The following USP14 variants were observed in gnomAD, a reference collection of about 807,000 sequenced individuals.
USP14 encodes the protein ubiquitin specific peptidase 14, also known as ubiquitin carboxyl-terminal hydrolase 14.
In USP14, 38 loss-of-function variants were observed where a neutral mutation model predicts 76.5. The observed-to-expected ratio is 0.50, with a 90% CI of 0.38 to 0.65. The LOEUF (loss-of-function observed/expected upper bound fraction) is 0.65. USP14 is among the 30% of genes least tolerant of loss of function. The pLI is 0.00. For missense variants in USP14, 467 were observed against 586.5 expected (o/e 0.80, Z 2.10); for synonymous variants, 192 against 191.7 (o/e 1.00, Z -0.01).
chr18:175,108 C>CTAGTATA (rs1484309580), intron 3 of USP14, among the ~76,000 whole-genome samples: 1 of 152,098 alleles, frequency 6.6e-6, no homozygotes, highest in African/African-American at 2.4e-5. Context: ...CAATTGCTTG[C>CTAGTATA]TAGTATATAA....
At chr18:210,620 G>A (rs1598281742) in intron 15 of USP14, 127 bp downstream of exon 15, 2 of 555,906 alleles carry the variant, frequency 3.6e-6, no homozygotes, top group Admixed American at 3.5e-5. Flanking sequence ...GCCCCAAAGA[G>A]CTTTGGTTTA....
intron 1 of USP14, among the ~76,000 whole-genome samples, chr18:159,416 G>C (rs1909053637): frequency 6.6e-6 from 1 of 152,166 alleles, no homozygotes; most frequent in Non-Finnish European, 1.5e-5. Context: ...ACAGTCCAGG[G>C]TACTGGCCAG....
chr18:181,352 T>C (rs1909784620), intron 5 of USP14, among the ~76,000 whole-genome samples: 1 of 152,240 alleles, frequency 6.6e-6, no homozygotes, highest in Non-Finnish European at 1.5e-5. Context: ...ATTGTCTGTC[T>C]TTGATTAAGC....
At chr18:187,681 A>G (rs953131300) in intron 5 of USP14, among the ~76,000 whole-genome samples, 1 of 151,960 alleles carries the variant, frequency 6.6e-6, no homozygotes, top group African/African-American at 2.4e-5. Flanking sequence ...TTTTCCCTTG[A>G]TCATTTTGTT....
intron 3 of USP14, among the ~76,000 whole-genome samples, chr18:167,594 C>T (rs1381548742): frequency 6.6e-6 from 1 of 151,240 alleles, no homozygotes; most frequent in Non-Finnish European, 1.5e-5. Flanking sequence ...CAGCTTTAAA[C>T]TCCCAGCCTC....
intron 5 of USP14, among the ~76,000 whole-genome samples, chr18:191,241 T>C (rs1318037804): frequency 6.6e-6 from 1 of 152,200 alleles, no homozygotes; most frequent in African/African-American, 2.4e-5. Flanking sequence ...CAGGCATTAT[T>C]GTGAATTATT....
chr18:210,372 A>G lies in USP14; in HGVS notation c.1226-14A>G. On this transcript the variant is annotated splice_polypyrimidine_tract_variant and intron_variant, in intron 14 of 15. Coordinates refer to ENST00000261601, the MANE Select transcript of USP14 (RefSeq NM_005151.4). ...TTCATTGTCTAATATTAATGGATTT[A>G]CATCTTTCTTTAGATATTGGCTCCA... 6.4e-7 allele frequency: 1 copy of G among 1,560,960 alleles called. No individual in the cohort carries two copies. The highest frequency in any genetic ancestry group is 1.2e-5 in the South Asian group (1 of 85,576).
At chr18:188,868 G>T (rs561165341) in intron 5 of USP14, among the ~76,000 whole-genome samples, 3 of 151,930 alleles carry the variant, frequency 2.0e-5, no homozygotes, top group African/African-American at 7.3e-5. Context: ...TAGTAGAGAC[G>T]TGGTTTCACC....
At chr18:200,044 A>G (rs1219994547) in intron 10 of USP14, among the ~76,000 whole-genome samples, 1 of 152,196 alleles carries the variant, frequency 6.6e-6, no homozygotes, top group Non-Finnish European at 1.5e-5. Flanking sequence ...GGGACATCTC[A>G]CTTTTTAATC....
chr18:169,943 C>G (rs1289841671), intron 3 of USP14, among the ~76,000 whole-genome samples: 2 of 152,060 alleles, frequency 1.3e-5, no homozygotes, highest in Admixed American at 1.3e-4. Context: ...ACCCGCAGTT[C>G]CCTCCTCCCT....
chr18:177,621 T>C (rs1435629684), intron 3 of USP14, among the ~76,000 whole-genome samples: 1 of 141,290 alleles, frequency 7.1e-6, no homozygotes, highest in Non-Finnish European at 1.6e-5. Flanking sequence ...TGGCTATCAT[T>C]TTTCCCTCCC....
At chr18:163,536 A>C in intron 2 of USP14, 83 bp downstream of exon 2, 2 of 1,472,404 alleles carry the variant, frequency 1.4e-6, no homozygotes, top group Non-Finnish European at 9.1e-7. Flanking sequence ...TTTAATTTTA[A>C]TGTAGCATTT....
At chr18:208,373 A>G (rs978977481) in intron 13 of USP14, among the ~76,000 whole-genome samples, 2 of 152,018 alleles carry the variant, frequency 1.3e-5, no homozygotes, top group African/African-American at 4.8e-5. Flanking sequence ...TGATATTAGT[A>G]ATTTGTGTTT....
At chr18:164,301 TA>T (rs1303772519) in intron 2 of USP14, among the ~76,000 whole-genome samples, 1 of 152,158 alleles carries the variant, frequency 6.6e-6, no homozygotes, top group Non-Finnish European at 1.5e-5. Context: ...TTTGTTTTCT[TA>T]AAAAAACTAC....
chr18:212,108 A>G lies in USP14; in HGVS notation c.*824A>G, dbSNP rs1248748849. On this transcript the variant is annotated 3_prime_UTR_variant, in exon 16 of 16. Coordinates refer to ENST00000261601, the MANE Select transcript of USP14 (RefSeq NM_005151.4). ...TGGAGCTTGGCTGAAGACATGTTTA[A>G]TACTGTACAATTTCTGAAGATGGTT... The G allele has an allele frequency of 6.6e-6, 1 of 152,204 alleles. No individual in the cohort carries two copies. Among genetic ancestry groups the G allele is most frequent in the East Asian group, 1.9e-4 (1 of 5,200 alleles). 9.4% of individuals were successfully genotyped at this position (152,204 alleles called of 1,614,324 possible).
chr18:214,516 A>T lies in USP14; in HGVS notation c.*3232A>T. On this transcript the variant is annotated 3_prime_UTR_variant, in exon 16 of 16. Coordinates refer to ENST00000261601, the MANE Select transcript of USP14 (RefSeq NM_005151.4). ...TCTCAGAGCACCAGCCGACTGTACA[A>T]CAATTGTTATAAAAATGTTTATTGT... The T allele has an allele frequency of 1.1e-6, 1 of 885,486 alleles. No individual in the cohort carries two copies. The highest frequency in any genetic ancestry group is 1.7e-6 in the Non-Finnish European group (1 of 591,028). The allele number at this position is 885,486 out of a possible 1,614,324, so 54.9% of individuals were successfully genotyped here.
intron 4 of USP14, 27 bp from the exon 5 acceptor site, chr18:180,209 T>TA: frequency 8.0e-7 from 1 of 1,245,488 alleles, no homozygotes; most frequent in South Asian, 1.4e-5. Context: ...AATGATTTAA[T>TA]CCTTTTTTTT....
At chr18:160,245 A>G (rs1014343572) in intron 1 of USP14, among the ~76,000 whole-genome samples, 12 of 151,762 alleles carry the variant, frequency 7.9e-5, no homozygotes, top group African/African-American at 2.7e-4. Context: ...CGGAGGTTGT[A>G]GTGAGCCAAG....
At chr18:160,835 A>C (rs1433475561) in intron 1 of USP14, among the ~76,000 whole-genome samples, 1 of 152,222 alleles carries the variant, frequency 6.6e-6, no homozygotes, top group African/African-American at 2.4e-5. Flanking sequence ...CAAGTGATCT[A>C]ATAGTATTCA....
Sources: gnomAD v4.1 joint callset for allele counts (sites outside exome capture counted in the v4.1 genomes callset) on GRCh38, gnomAD v4.1.1 for gene constraint, MANE v1.5 for transcripts, NCBI Gene and HGNC (gene_info 2026-07-23, HGNC 2026-07-21) for gene names.